Variants in ACP1 observed in about 807,000 individuals in gnomAD.
ACP1 encodes low molecular weight phosphotyrosine protein phosphatase.
ACP1 carries 23 observed loss-of-function variants against 23.4 expected under a neutral mutation model. The ratio of observed to expected loss-of-function variants is 0.98; its 90% CI spans 0.71 to 1.39. The LOEUF (loss-of-function observed/expected upper bound fraction) is 1.39. ACP1 is among the 40% of genes most tolerant of loss of function. The probability of loss-of-function intolerance (pLI) is 0.00; values close to 1 mark genes in which losing one functional copy is unlikely to be tolerated. For synonymous variants in ACP1, 72 were observed against 67.2 expected, an observed-to-expected ratio of 1.07 and a Z score of -0.35; for missense variants, 180 against 197.7, an observed-to-expected ratio of 0.91 and a Z score of 0.54.
chr2:276,399 C>T lies in ACP1; in HGVS notation c.294-581C>T, dbSNP rs563295010. On this transcript the variant is annotated intron_variant, in intron 4 of 5. Coordinates refer to ENST00000272065, the MANE Select transcript of ACP1 (RefSeq NM_004300.4). ...ATAAAGCACGTACCTGACTCATCAA[C>T]TCATCTGTCGCAGGTGCTCAGTCGA... Among the ~76,000 whole-genome samples the T allele has an allele frequency of 3.3e-5, 5 of 152,310 alleles. No individual in the cohort carries two copies. The South Asian group carries it at 8.3e-4, about 25-fold the overall frequency.
At chr2:268,274 A>G (rs1004929775) in intron 1 of ACP1, among the ~76,000 whole-genome samples, 1 of 152,250 alleles carries the variant, frequency 6.6e-6, no homozygotes, top group African/African-American at 2.4e-5. Context: ...GTAGCCATAT[A>G]GAGGACAGTA....
intron 3 of ACP1, among the ~76,000 whole-genome samples, chr2:274,018 C>T (rs1469004423): frequency 6.6e-6 from 1 of 152,074 alleles, no homozygotes; most frequent in Non-Finnish European, 1.5e-5. Flanking sequence ...TAAAAATTAG[C>T]TGGGTGCTAT....
rs529754092 is a variant in ACP1, at chr2:270,078, A to T, written c.44-1788A>T. ...TGCTCCTTCATACGAGCCTCTTACA[A>T]GGTCTCTCCAATTCAGTCATGTGCT... is the stretch of plus-strand genomic sequence containing the variant. On this transcript the variant is annotated intron_variant, in intron 1 of 5. Transcript: ENST00000272065. Among the ~76,000 whole-genome samples the T allele has an allele frequency of 3.3e-5, 5 of 152,276 alleles. No individual in the cohort carries two copies. The East Asian group carries it at 9.6e-4, about 29-fold the overall frequency.
rs1405371312 is a variant in ACP1, at chr2:277,276, G to A, written c.449G>A (p.Cys150Tyr). The A allele has an allele frequency of 6.2e-7, 1 of 1,613,190 alleles. No individual in the cohort carries two copies. Among genetic ancestry groups the A allele is most frequent in the South Asian group, 1.1e-5 (1 of 91,042 alleles). The part of the protein sequence containing the change: ...ETVYQQCVRC[C>Y]RAFLEKAH The stretch of plus-strand genomic sequence containing the variant: ...GTGTACCAGCAGTGTGTCAGGTGCT[G>A]CAGAGCGTTCTTGGAGAAGGCCCAC... Residue 150 changes from cysteine (C) to tyrosine (Y), a missense_variant, in exon 6 of 6, where the codon TGC becomes TAC. Transcript: ENST00000272065.
At chr2:265,710 T>C (rs2103069165) in intron 1 of ACP1, among the ~76,000 whole-genome samples, 2 of 152,366 alleles carry the variant, frequency 1.3e-5, no homozygotes, top group East Asian at 3.9e-4. Context: ...CCTCGGTGCC[T>C]CCACCCTGAG....
At position 266,128 on chromosome 2, in the gene ACP1, ATAAT is replaced by A. The variant is rs1669874162; in HGVS notation, c.43+1124_43+1127del. 5.3e-5 allele frequency among the ~76,000 whole-genome samples: 8 copies of A among 152,342 alleles called. No homozygotes were observed. The South Asian group carries it at 1.7e-3, about 32-fold the overall frequency. On this transcript the variant is annotated intron_variant, in intron 1 of 5. Coordinates refer to ENST00000272065, the MANE Select transcript of ACP1 (RefSeq NM_004300.4). Reference sequence around the variant, plus strand: ...CATCTTTTATTACACAAATTTTACTATAATTATTTGATAGTCTGTTGAAATCCCA... The same window carrying A: ...CATCTTTTATTACACAAATTTTACTATATTTGATAGTCTGTTGAAATCCCA...
Position 268,385 on chromosome 2 carries a change from T to C in ACP1, c.43+3378T>C, listed in dbSNP as rs73146273. Among the ~76,000 whole-genome samples the C allele has an allele frequency of 5.8e-3, 879 of 152,362 alleles. 9 individuals carry two copies. Among genetic ancestry groups the C allele is most frequent in the African/African-American group, 0.02 (838 of 41,586 alleles). On this transcript the variant is annotated intron_variant, in intron 1 of 5. Transcript: ENST00000272065. Reference sequence around the variant, plus strand: ...GTAGAAAAGCATCAGAGGTTTTTCATTGGTGAAGCTAATGATGGAAAATAA... The same window carrying C: ...GTAGAAAAGCATCAGAGGTTTTTCACTGGTGAAGCTAATGATGGAAAATAA...
intron 1 of ACP1, 141 bp downstream of exon 1, chr2:265,148 T>C (rs1669820740): frequency 3.2e-6 from 3 of 951,486 alleles, no homozygotes; most frequent in Middle Eastern, 2.3e-4. Context: ...GTTCTAGGAG[T>C]GTGCCGCAGC....
chr2:271,856 T>G lies in ACP1; in HGVS notation c.44-10T>G, dbSNP rs1670042820. On this transcript the variant is annotated splice_polypyrimidine_tract_variant and intron_variant, in intron 1 of 5. Coordinates refer to ENST00000272065, the MANE Select transcript of ACP1 (RefSeq NM_004300.4). ...TAACCCTGTTTCCCCACCCCTCCCT[T>G]TTTTTAAAGGTAACATTTGTCGATC... 6.2e-7 allele frequency: 1 copy of G among 1,612,734 alleles called. No homozygotes were observed. Among genetic ancestry groups the G allele is most frequent in the Non-Finnish European group, 8.5e-7 (1 of 1,178,812 alleles).
intron 3 of ACP1, among the ~76,000 whole-genome samples, chr2:273,908 T>C (rs917837646): frequency 3.9e-5 from 6 of 152,216 alleles, no homozygotes; most frequent in African/African-American, 9.6e-5. Flanking sequence ...CTCACACTTA[T>C]AATCCTAATA....
chr2:268,042 T>A (rs1669935946), intron 1 of ACP1, among the ~76,000 whole-genome samples: 2 of 152,220 alleles, frequency 1.3e-5, no homozygotes, highest in South Asian at 4.1e-4. Context: ...CATGAGCCGA[T>A]TTTCAGACCC....
intron 1 of ACP1, chr2:269,406 G>A: frequency 2.2e-6 from 1 of 461,716 alleles, no homozygotes; most frequent in South Asian, 1.6e-5. Flanking sequence ...AAGGCAGTGA[G>A]TTGGTTTTCT....
Position 265,824 on chromosome 2 carries a change from G to A in ACP1, c.43+817G>A, listed in dbSNP as rs369707914. On this transcript the variant is annotated intron_variant, in intron 1 of 5. Coordinates refer to ENST00000272065, the MANE Select transcript of ACP1 (RefSeq NM_004300.4). ...TTACAGACTCCTCACTTTATCTCCT[G>A]TACCTTTTCCTGCTCACACCCTCGG... Among the ~76,000 whole-genome samples the A allele has an allele frequency of 1.1e-4, 17 of 152,266 alleles. No individual in the cohort carries two copies. The East Asian group carries it at 2.9e-3, about 26-fold the overall frequency.
intron 1 of ACP1, chr2:265,257 G>A: frequency 2.1e-6 from 1 of 480,666 alleles, no homozygotes; most frequent in Non-Finnish European, 3.7e-6. Flanking sequence ...GGCATCTGCA[G>A]CCACAGCCCC....
At chr2:272,183 G>A (rs1257239128) in intron 3 of ACP1, 33 bp downstream of exon 3, 2 of 1,614,006 alleles carry the variant, frequency 1.2e-6, no homozygotes, top group Admixed American at 1.7e-5. Flanking sequence ...TGTGTGTTTT[G>A]TGTTTCAGTG....
At chr2:272,715 G>C (rs760317172) in intron 3 of ACP1, 1 of 214,234 alleles carries the variant, frequency 4.7e-6, no homozygotes. Context: ...AGTAATATAG[G>C]GTAATACCAG....
At chr2:267,460 T>TA (rs1330276565) in intron 1 of ACP1, among the ~76,000 whole-genome samples, 2 of 152,174 alleles carry the variant, frequency 1.3e-5, no homozygotes, top group East Asian at 3.8e-4. Context: ...CCCCACCTGA[T>TA]AGATGACTTT....
intron 1 of ACP1, among the ~76,000 whole-genome samples, chr2:267,510 A>T (rs901457420): frequency 4.6e-5 from 7 of 152,214 alleles, no homozygotes; most frequent in African/African-American, 1.7e-4. Context: ...CAAGCCTAGG[A>T]TATTTTGGAG....
At chr2:271,596 T>G (rs528964461) in intron 1 of ACP1, among the ~76,000 whole-genome samples, 1 of 152,330 alleles carries the variant, frequency 6.6e-6, no homozygotes, top group Admixed American at 6.5e-5. Flanking sequence ...ACAATAATTT[T>G]TGTTGAAATT....
Sources: allele counts gnomAD v4.1 joint callset (sites outside exome capture counted in the v4.1 genomes callset), GRCh38; gene constraint gnomAD v4.1.1; transcripts MANE v1.5; gene names NCBI Gene and HGNC (gene_info 2026-07-23, HGNC 2026-07-21).